The following CREBL2 variants were observed in gnomAD, a reference collection of about 807,000 sequenced individuals.
The protein encoded by CREBL2 is cAMP-responsive element-binding protein-like 2.
Under a neutral mutation model 19.5 loss-of-function variants are expected in CREBL2, and 4 were observed. The ratio of observed to expected loss-of-function variants is 0.20; its 90% CI spans 0.10 to 0.47. The LOEUF is 0.47. Ranked by LOEUF, CREBL2 falls within the 20% of genes least tolerant of loss-of-function variation. The pLI is 0.98. For missense variants in CREBL2, 85 were observed against 145.1 expected, an observed-to-expected ratio of 0.59 and a Z score of 2.13; for synonymous variants, 42 against 46.6, an observed-to-expected ratio of 0.90 and a Z score of 0.40.
In CREBL2 at chr12:12,640,492, C is replaced by T. The variant is rs543502646; in HGVS notation, c.359-1502C>T. 1.8e-4 allele frequency among the ~76,000 whole-genome samples: 28 copies of T among 152,284 alleles called. No homozygotes were observed. In the South Asian group the frequency reaches 3.7e-3, roughly 20 times the overall value. The stretch of plus-strand genomic sequence containing the variant: ...TTATTCTGTTCTTTTTCAAGGTGCA[C>T]TGATTTCATATTGTTCCAACACACA... On this transcript the variant is annotated intron_variant, in intron 3 of 3. Coordinates refer to ENST00000228865, the MANE Select transcript of CREBL2 (RefSeq NM_001310.4).
chr12:12,617,041 A>G (rs1945316420), intron 1 of CREBL2, among the ~76,000 whole-genome samples: 1 of 152,126 alleles, frequency 6.6e-6, no homozygotes, highest in African/African-American at 2.4e-5. Flanking sequence ...GTGGTGATAA[A>G]TGAGTTTGCT....
In CREBL2 at chr12:12,619,043, G is replaced by A. The variant is rs191771379; in HGVS notation, c.15+6856G>A. Among the ~76,000 whole-genome samples, 879 of 152,078 alleles carry A rather than the reference G, an allele frequency of 5.8e-3. 11 individuals are homozygous for A. The highest frequency in any genetic ancestry group is 0.02 in the African/African-American group (833 of 41,482). ...GGGAGACCGTGGAAAGTGGGAGACG[G>A]GAGAGGGAGAGGGAGAGGAGGGAGA... On this transcript the variant is annotated intron_variant, in intron 1 of 3. Coordinates refer to ENST00000228865, the MANE Select transcript of CREBL2 (RefSeq NM_001310.4).
chr12:12,638,722 G>C (rs1358173472), intron 3 of CREBL2, among the ~76,000 whole-genome samples: 1 of 152,078 alleles, frequency 6.6e-6, no homozygotes, highest in Non-Finnish European at 1.5e-5. Context: ...TAGCAGAAAG[G>C]CTGGCTAAGG....
intron 1 of CREBL2, among the ~76,000 whole-genome samples, chr12:12,624,345 G>A (rs1471980811): frequency 6.6e-6 from 1 of 152,202 alleles, no homozygotes; most frequent in African/African-American, 2.4e-5. Context: ...GAAGTGGGGT[G>A]GAAACGGAGA....
At chr12:12,626,805 G>A (rs1297225881) in intron 1 of CREBL2, among the ~76,000 whole-genome samples, 1 of 151,598 alleles carries the variant, frequency 6.6e-6, no homozygotes, top group Non-Finnish European at 1.5e-5. Context: ...GGAGGGTGAG[G>A]CAGGAGGATA....
At chr12:12,637,963 G>C (rs1231752202) in intron 3 of CREBL2, among the ~76,000 whole-genome samples, 1 of 151,906 alleles carries the variant, frequency 6.6e-6, no homozygotes, top group South Asian at 2.1e-4. Flanking sequence ...GATCACCTGA[G>C]CCCAGGGATG....
At chr12:12,617,681 T>A (rs1038812124) in intron 1 of CREBL2, among the ~76,000 whole-genome samples, 15 of 116,240 alleles carry the variant, frequency 1.3e-4, no homozygotes, top group African/African-American at 3.6e-4. Flanking sequence ...TTTTTTTTTT[T>A]AGTATTTATT....
Position 12,644,740 on chromosome 12 carries a change from T to A in CREBL2, c.*2742T>A, listed in dbSNP as rs1290472904. ...TGTTTGCTGGCTAATTGACAGTATT[T>A]CTCAGCATCACTATGTAGCATTCTG... On this transcript the variant is annotated 3_prime_UTR_variant, in exon 4 of 4. Coordinates refer to ENST00000228865, the MANE Select transcript of CREBL2 (RefSeq NM_001310.4). 1 of 152,692 alleles carries A rather than the reference T, an allele frequency of 6.5e-6. No homozygotes were observed. The highest frequency in any genetic ancestry group is 1.9e-4 in the East Asian group (1 of 5,206). The allele number at this position is 152,692 out of a possible 1,614,324, so 9.5% of individuals were successfully genotyped here. A position where few individuals can be genotyped will look rare whatever the true frequency, so the allele number is the denominator to read the frequency against.
At chr12:12,627,723 T>A (rs1309117955) in intron 1 of CREBL2, among the ~76,000 whole-genome samples, 1 of 152,250 alleles carries the variant, frequency 6.6e-6, no homozygotes, top group Non-Finnish European at 1.5e-5. Context: ...TGTTTTCCTT[T>A]CTTTTTGGAA....
chr12:12,617,532 C>CT (rs1555173758), intron 1 of CREBL2, among the ~76,000 whole-genome samples: 1 of 151,392 alleles, frequency 6.6e-6, no homozygotes, highest in Non-Finnish European at 1.5e-5. Context: ...AGTACAGACT[C>CT]TAACACATAG....
rs1194861819 is a variant in CREBL2 at position 12,644,829 on chromosome 12, G to A, written c.*2831G>A. On this transcript the variant is annotated 3_prime_UTR_variant, in exon 4 of 4. Transcript: ENST00000228865. The stretch of plus-strand genomic sequence containing the variant: ...ATTACAAAAAGTACAGGTTTAAACT[G>A]GACTTAGCTTGAGTTAAAGGCAAAG... 6.6e-6 allele frequency: 1 copy of A among 152,154 alleles called. No homozygotes were observed. The allele number at this position is 152,154 out of a possible 1,614,324, so 9.4% of individuals were successfully genotyped here. A position where few individuals can be genotyped will look rare whatever the true frequency, so the allele number is the denominator to read the frequency against.
intron 1 of CREBL2, 39 bp downstream of exon 1, chr12:12,612,226 C>G: frequency 6.2e-7 from 1 of 1,613,280 alleles, no homozygotes; most frequent in Non-Finnish European, 8.5e-7. Flanking sequence ...GCCTTCTTGT[C>G]GCTCAATGCT....
chr12:12,638,213 G>A (rs1945490487), intron 3 of CREBL2, among the ~76,000 whole-genome samples: 1 of 152,220 alleles, frequency 6.6e-6, no homozygotes, highest in African/African-American at 2.4e-5. Flanking sequence ...GGCTGAGGTG[G>A]GCAGATCACT....
At position 12,641,250 on chromosome 12, in the gene CREBL2, A is replaced by ATTT. The variant is rs1248375488; in HGVS notation, c.359-742_359-741insTTT. The stretch of plus-strand genomic sequence containing the variant: ...CTTTATTATTATTATTATTATTATT[A>ATTT]TTATTTTTTTTTATTTTTTTTTTTT... On this transcript the variant is annotated intron_variant, in intron 3 of 3. Coordinates refer to ENST00000228865, the MANE Select transcript of CREBL2 (RefSeq NM_001310.4). Among the ~76,000 whole-genome samples the ATTT allele has an allele frequency of 4.7e-3, 274 of 57,936 alleles. 23 individuals carry two copies. Among genetic ancestry groups the ATTT allele is most frequent in the African/African-American group, 5.4e-3 (88 of 16,430 alleles). 38.0% of individuals were successfully genotyped at this position (57,936 alleles called of 152,430 possible). A position where few individuals can be genotyped will look rare whatever the true frequency, so the allele number is the denominator to read the frequency against.
At chr12:12,637,895 C>T (rs544451850) in intron 3 of CREBL2, among the ~76,000 whole-genome samples, 181 bp downstream of exon 3, 130 of 151,424 alleles carry the variant, frequency 8.6e-4, no homozygotes, top group African/African-American at 2.4e-3. Flanking sequence ...TACAAAAATT[C>T]GCTGGGCATG....
chr12:12,635,073 GA>G (rs1592241926), intron 1 of CREBL2, among the ~76,000 whole-genome samples: 1 of 150,854 alleles, frequency 6.6e-6, no homozygotes, highest in Non-Finnish European at 1.5e-5. Flanking sequence ...CTCAAAAAAA[GA>G]AAAAAAAGTG....
chr12:12,624,243 C>A (rs1945383336), intron 1 of CREBL2, among the ~76,000 whole-genome samples: 1 of 152,156 alleles, frequency 6.6e-6, no homozygotes, highest in African/African-American at 2.4e-5. Context: ...CTATAATGAT[C>A]AGGTATTACT....
intron 1 of CREBL2, 117 bp from the exon 2 acceptor site, chr12:12,635,660 C>G: frequency 8.3e-7 from 1 of 1,207,022 alleles, no homozygotes; most frequent in Non-Finnish European, 1.1e-6. Context: ...TTTCTTAGTT[C>G]CGTAGGGCTT....
At position 12,635,810 on chromosome 12, in the gene CREBL2, C is replaced by T; in HGVS notation, c.49C>T (p.Arg17Cys). ...AGGCAAAGTAAAGAAGCCCGGTAAA[C>T]GTGGTCGGAAGCCAGCCAAAATTGA... ...VGGKVKKPGKRGRKPAKIDLK... is the reference protein window; with the variant it reads ...VGGKVKKPGKCGRKPAKIDLK... The change falls in exon 2 of 4, where the codon CGT becomes TGT. Residue 17 changes from arginine to cysteine, a missense_variant. Arg to Cys is a radical substitution (Grantham distance 180). Coordinates refer to ENST00000228865, the MANE Select transcript of CREBL2 (RefSeq NM_001310.4). 3 of 1,612,998 alleles carry T rather than the reference C, an allele frequency of 1.9e-6. No individual in the cohort carries two copies. Among genetic ancestry groups the T allele is most frequent in the Non-Finnish European group, 2.5e-6 (3 of 1,179,496 alleles).
Sources: allele counts gnomAD v4.1 joint callset (sites outside exome capture counted in the v4.1 genomes callset), GRCh38; gene constraint gnomAD v4.1.1; transcripts MANE v1.5; gene names NCBI Gene and HGNC (gene_info 2026-07-23, HGNC 2026-07-21).